Variants in ANKRD44 observed in about 807,000 individuals in gnomAD.
ANKRD44 encodes the protein ankyrin repeat domain 44.
Under a neutral mutation model 116.0 loss-of-function variants are expected in ANKRD44, and 35 were observed. The observed-to-expected ratio is 0.30, with a 90% CI of 0.23 to 0.40. ANKRD44 has a LOEUF of 0.40. Ranked by LOEUF, ANKRD44 falls within the 10% of genes least tolerant of loss-of-function variation. ANKRD44 has a pLI of 1.00. For synonymous variants in ANKRD44, 435 were observed against 461.8 expected (o/e 0.94, Z 0.74); for missense variants, 1,014 against 1,242.6 (o/e 0.82, Z 2.77).
At chr2:196,984,152 C>T (rs76372866), downstream of ANKRD44, among the ~76,000 whole-genome samples, 1,709 of 152,234 alleles carry the variant, frequency 0.011, 7 homozygotes, top group Non-Finnish European at 0.018. Context: ...AGAAATGATT[C>T]AGAAACAAGA....
At chr2:197,198,096 G>A (rs1197584233) in intron 1 of ANKRD44, 1 of 152,212 alleles carries the variant, frequency 6.6e-6, no homozygotes, top group East Asian at 1.9e-4. Flanking sequence ...AATGGTAAGG[G>A]ACTTTCCCTT....
At chr2:197,178,793 T>A (rs1201071077) in intron 2 of ANKRD44, among the ~76,000 whole-genome samples, 2 of 152,260 alleles carry the variant, frequency 1.3e-5, no homozygotes, top group Non-Finnish European at 2.9e-5. Flanking sequence ...ATTTTCTACA[T>A]CTTGAATTTA....
At chr2:197,183,010 GGA>G (rs2080549133) in intron 2 of ANKRD44, among the ~76,000 whole-genome samples, 1 of 152,120 alleles carries the variant, frequency 6.6e-6, no homozygotes, top group African/African-American at 2.4e-5. Context: ...AGGTATGGAA[GGA>G]CACATGGAAT....
At chr2:197,153,077 T>C (rs1158061989) in intron 2 of ANKRD44, among the ~76,000 whole-genome samples, 2 of 151,552 alleles carry the variant, frequency 1.3e-5, no homozygotes, top group Non-Finnish European at 2.9e-5. Context: ...CGTGGTAGCA[T>C]GTGCCTGTGG....
chr2:197,175,402 T>A (rs1574203489), intron 2 of ANKRD44, among the ~76,000 whole-genome samples: 1 of 152,094 alleles, frequency 6.6e-6, no homozygotes, highest in African/African-American at 2.4e-5. Context: ...TGCATGTGTG[T>A]TTTCAGTAGG....
intron 4 of ANKRD44, among the ~76,000 whole-genome samples, chr2:197,127,971 A>C (rs2079014184): frequency 1.3e-5 from 2 of 152,176 alleles, no homozygotes; most frequent in Admixed American, 6.5e-5. Flanking sequence ...TTCCAGCTCC[A>C]TTCGTGTTCC....
At chr2:197,126,174 G>A in intron 4 of ANKRD44, 137 bp from the exon 5 acceptor site, 2 of 724,030 alleles carry the variant, frequency 2.8e-6, no homozygotes, top group East Asian at 2.7e-5. Flanking sequence ...AGACAAGCCA[G>A]GTAATATTTG....
chr2:197,083,077 C>T (rs1253317360), intron 14 of ANKRD44, among the ~76,000 whole-genome samples: 1 of 152,160 alleles, frequency 6.6e-6, no homozygotes, highest in Non-Finnish European at 1.5e-5. Context: ...ATGAAAACTA[C>T]GGTATATGTC....
chr2:197,191,921 C>T (rs1178086396), intron 1 of ANKRD44, among the ~76,000 whole-genome samples: 1 of 152,172 alleles, frequency 6.6e-6, no homozygotes, highest in Non-Finnish European at 1.5e-5. Context: ...TCATTTTCAT[C>T]ATCTGTGAAA....
At chr2:197,297,883 C>T (rs1400230346) in intron 1 of ANKRD44, among the ~76,000 whole-genome samples, 2 of 152,182 alleles carry the variant, frequency 1.3e-5, no homozygotes, top group Admixed American at 6.5e-5. Flanking sequence ...GCCCCAAGAC[C>T]TAATTATACT....
At chr2:196,999,474 T>C (rs1357066324) in intron 23 of ANKRD44, among the ~76,000 whole-genome samples, 1 of 152,186 alleles carries the variant, frequency 6.6e-6, no homozygotes, top group Non-Finnish European at 1.5e-5. Flanking sequence ...TGGCATTATT[T>C]ATCAAAATTT....
chr2:197,208,672 C>T (rs1482181561), intron 1 of ANKRD44, among the ~76,000 whole-genome samples: 4 of 151,872 alleles, frequency 2.6e-5, no homozygotes, highest in South Asian at 2.1e-4. Context: ...TGGTGGTGGG[C>T]GCCTATAGTC....
chr2:197,182,081 C>T (rs1277351330), intron 2 of ANKRD44, among the ~76,000 whole-genome samples: 2 of 152,170 alleles, frequency 1.3e-5, no homozygotes, highest in African/African-American at 4.8e-5. Context: ...CCTCAAAATG[C>T]CTTTATTGAA....
chr2:197,204,517 C>T (rs953048110), intron 1 of ANKRD44, among the ~76,000 whole-genome samples: 1 of 152,148 alleles, frequency 6.6e-6, no homozygotes, highest in Non-Finnish European at 1.5e-5. Flanking sequence ...GGGGGCTAGA[C>T]AAGAGCATAG....
At chr2:197,194,596 A>T (rs1340940671) in intron 1 of ANKRD44, among the ~76,000 whole-genome samples, 2 of 152,204 alleles carry the variant, frequency 1.3e-5, no homozygotes, top group Non-Finnish European at 2.9e-5. Context: ...ATAATTCATG[A>T]TCAGAATTCA....
intron 1 of ANKRD44, among the ~76,000 whole-genome samples, chr2:197,284,834 C>A (rs4619631): frequency 6.7e-6 from 1 of 149,714 alleles, no homozygotes; most frequent in Admixed American, 6.7e-5. Flanking sequence ...TACAGTGGGC[C>A]GAGATTACAC....
At chr2:197,177,348 T>C (rs1029745962) in intron 2 of ANKRD44, among the ~76,000 whole-genome samples, 19 of 152,286 alleles carry the variant, frequency 1.2e-4, no homozygotes, top group African/African-American at 4.1e-4. Context: ...TCTACTAAGA[T>C]GGCAACAGGT....
intron 1 of ANKRD44, among the ~76,000 whole-genome samples, chr2:197,213,024 G>A (rs991674434): frequency 3.9e-5 from 6 of 152,164 alleles, no homozygotes; most frequent in Admixed American, 1.3e-4. Flanking sequence ...ACAGCAATGC[G>A]GCTCCAACTC....
intron 16 of ANKRD44, among the ~76,000 whole-genome samples, chr2:197,077,369 C>T (rs1287367597): frequency 6.6e-6 from 1 of 152,138 alleles, no homozygotes; most frequent in Admixed American, 6.6e-5. Context: ...CCTTTCAGAA[C>T]CCTTTCCTCC....
Sources: gnomAD v4.1 joint callset for allele counts (sites outside exome capture counted in the v4.1 genomes callset) on GRCh38, gnomAD v4.1.1 for gene constraint, MANE v1.5 for transcripts, NCBI Gene and HGNC (gene_info 2026-07-23, HGNC 2026-07-21) for gene names.